Variants in RHOT1 observed in about 807,000 individuals in gnomAD.
RHOT1 encodes the protein ras homolog family member T1, also known as mitochondrial Rho GTPase 1.
RHOT1 carries 27 observed loss-of-function variants against 95.3 expected under a neutral mutation model. The ratio of observed to expected loss-of-function variants is 0.28; its 90% CI spans 0.21 to 0.39. RHOT1 has a LOEUF of 0.39. Among genes scored for constraint, RHOT1 ranks in the 10% least tolerant of loss-of-function variants. The probability of loss-of-function intolerance (pLI) is 1.00; values close to 1 mark genes in which losing one functional copy is unlikely to be tolerated. For missense variants in RHOT1, 578 were observed against 786.7 expected (o/e 0.73, Z 3.17); for synonymous variants, 227 against 263.5 (o/e 0.86, Z 1.34).
intron 1 of RHOT1, among the ~76,000 whole-genome samples, chr17:32,147,388 G>A (rs2031519059): frequency 6.6e-6 from 1 of 152,018 alleles, no homozygotes; most frequent in African/African-American, 2.4e-5. Flanking sequence ...GCACTTGAGA[G>A]GTTAAGGCGG....
intron 8 of RHOT1, among the ~76,000 whole-genome samples, chr17:32,185,339 A>G (rs138838896): frequency 1.3e-5 from 2 of 151,852 alleles, no homozygotes; most frequent in African/African-American, 4.8e-5. Context: ...TGAACACCCA[A>G]CCTCAGGTGA....
intron 1 of RHOT1, among the ~76,000 whole-genome samples, chr17:32,146,877 C>T (rs1233232789): frequency 6.6e-6 from 1 of 150,420 alleles, no homozygotes; most frequent in Non-Finnish European, 1.5e-5. Context: ...CATGCACCAC[C>T]ATGTCTGGCT....
chr17:32,145,339 G>A (rs2031158365), intron 1 of RHOT1, among the ~76,000 whole-genome samples: 1 of 151,990 alleles, frequency 6.6e-6, no homozygotes, highest in Non-Finnish European at 1.5e-5. Context: ...AAACAGGATA[G>A]TTTTCATTTT....
chr17:32,196,230 G>A (rs1342446407), intron 11 of RHOT1, among the ~76,000 whole-genome samples: 1 of 145,922 alleles, frequency 6.9e-6, no homozygotes, highest in Non-Finnish European at 1.5e-5. Flanking sequence ...CTGTCATTCA[G>A]GCTAGAATGC....
chr17:32,221,533 G>A (rs756290523), intron 19 of RHOT1, among the ~76,000 whole-genome samples: 9 of 152,088 alleles, frequency 5.9e-5, no homozygotes, highest in South Asian at 2.1e-4. Context: ...AATGATAAGC[G>A]TGCCCTCCAT....
At chr17:32,224,218 G>A (rs1009812737) in intron 19 of RHOT1, among the ~76,000 whole-genome samples, 1 of 152,146 alleles carries the variant, frequency 6.6e-6, no homozygotes. Context: ...CCTGGGGATA[G>A]GAGATTGCAC....
chr17:32,155,904 T>A (rs1374969837), intron 1 of RHOT1, among the ~76,000 whole-genome samples: 1 of 152,198 alleles, frequency 6.6e-6, no homozygotes, highest in East Asian at 1.9e-4. Context: ...AATCCTATCA[T>A]AAGTGAAGGA....
intron 19 of RHOT1, 21 bp from the exon 20 acceptor site, chr17:32,224,595 A>C (rs944457162): frequency 6.6e-7 from 1 of 1,520,192 alleles, no homozygotes; most frequent in Admixed American, 1.8e-5. Context: ...TTTAAATAAT[A>C]ATTATATTTT....
intron 1 of RHOT1, among the ~76,000 whole-genome samples, chr17:32,149,635 ATGTGTG>A (rs1300585666): frequency 7.1e-4 from 42 of 59,090 alleles, no homozygotes; most frequent in East Asian, 6.2e-3. Flanking sequence ...ATATATATAT[ATGTGTG>A]TGTGTGTGTG....
chr17:32,171,589 A>C (rs922070225), intron 2 of RHOT1, among the ~76,000 whole-genome samples: 2 of 152,204 alleles, frequency 1.3e-5, no homozygotes, highest in African/African-American at 4.8e-5. Flanking sequence ...ATGTCATATA[A>C]GCTCTGTGAC....
intron 19 of RHOT1, among the ~76,000 whole-genome samples, chr17:32,216,776 T>C (rs2038503262): frequency 6.6e-6 from 1 of 152,160 alleles, no homozygotes; most frequent in Non-Finnish European, 1.5e-5. Flanking sequence ...GATTGCCTTA[T>C]GAAAAGGATA....
At chr17:32,165,825 G>A (rs1360180336) in intron 1 of RHOT1, among the ~76,000 whole-genome samples, 2 of 152,106 alleles carry the variant, frequency 1.3e-5, no homozygotes, top group Non-Finnish European at 2.9e-5. Flanking sequence ...GAAACTGTGA[G>A]TTTGGTTCTA....
chr17:32,219,755 T>C (rs1463664909), intron 19 of RHOT1, among the ~76,000 whole-genome samples: 1 of 152,122 alleles, frequency 6.6e-6, no homozygotes, highest in Non-Finnish European at 1.5e-5. Context: ...AAAGCCAACA[T>C]CCCAGACACA....
rs113818845 is a variant in RHOT1 at position 32,192,680 on chromosome 17, T to G, written c.639+381T>G. On this transcript the variant is annotated intron_variant, in intron 9 of 19. Transcript: ENST00000545287. ...CATGTTTTACTTTTTTTTTTTTTTTTTTTGTTTTTGAGATAGAGTCTCGCT... is the reference window on the plus strand; with the variant it reads ...CATGTTTTACTTTTTTTTTTTTTTTGTTTGTTTTTGAGATAGAGTCTCGCT... Among the ~76,000 whole-genome samples, 451 of 150,264 alleles carry G rather than the reference T, an allele frequency of 3.0e-3. 2 individuals carry two copies. The highest frequency in any genetic ancestry group is 5.8e-3 in the African/African-American group (238 of 40,982).
At chr17:32,162,794 T>C (rs947808851) in intron 1 of RHOT1, among the ~76,000 whole-genome samples, 1 of 152,110 alleles carries the variant, frequency 6.6e-6, no homozygotes, top group Non-Finnish European at 1.5e-5. Context: ...TAAGTTATAA[T>C]TTAATATAAA....
At chr17:32,222,648 AG>A (rs1358152122) in intron 19 of RHOT1, among the ~76,000 whole-genome samples, 1 of 152,172 alleles carries the variant, frequency 6.6e-6, no homozygotes, top group Non-Finnish European at 1.5e-5. Flanking sequence ...TCCATCATAT[AG>A]GGTGGCAACT....
intron 8 of RHOT1, among the ~76,000 whole-genome samples, chr17:32,190,195 C>T (rs1267062600): frequency 6.6e-6 from 1 of 152,072 alleles, no homozygotes; most frequent in African/African-American, 2.4e-5. Flanking sequence ...ATGGATCATG[C>T]CTGTAATCCC....
At chr17:32,223,891 A>G (rs181612485) in intron 19 of RHOT1, among the ~76,000 whole-genome samples, 49 of 152,284 alleles carry the variant, frequency 3.2e-4, no homozygotes, top group Admixed American at 6.5e-4. Context: ...AGTTTGTGGT[A>G]CAGGCTGTCC....
intron 14 of RHOT1, among the ~76,000 whole-genome samples, chr17:32,202,305 G>C (rs2037384679): frequency 6.6e-6 from 1 of 152,142 alleles, no homozygotes; most frequent in African/African-American, 2.4e-5. Context: ...ACATTTGAAA[G>C]GACGGCTAAC....
Sources: gnomAD v4.1 joint callset for allele counts (sites outside exome capture counted in the v4.1 genomes callset) on GRCh38, gnomAD v4.1.1 for gene constraint, MANE v1.5 for transcripts, NCBI Gene and HGNC (gene_info 2026-07-23, HGNC 2026-07-21) for gene names.